ANKHD1: variants seen among roughly 807,000 people sequenced by gnomAD.
The protein encoded by ANKHD1 is ankyrin repeat and KH domain containing 1.
A neutral mutation model predicts 230.5 loss-of-function variants in ANKHD1; 31 were observed. The ratio of observed to expected loss-of-function variants is 0.13; its 90% confidence interval spans 0.10 to 0.18. The LOEUF (loss-of-function observed/expected upper bound fraction) is 0.18. ANKHD1 is among the 10% of genes least tolerant of loss of function. The pLI, the probability that ANKHD1 is intolerant of heterozygous loss-of-function variation, is 1.00. For synonymous variants in ANKHD1, 1,074 were observed against 1,117.6 expected (o/e 0.96, Z 0.78); for missense variants, 2,256 against 3,071.3 (o/e 0.73, Z 6.27).
intron 14 of ANKHD1, among the ~76,000 whole-genome samples, chr5:140,487,329 A>T (rs1474793911): frequency 1.3e-5 from 2 of 152,358 alleles, no homozygotes; most frequent in East Asian, 1.9e-4. Flanking sequence ...GTTCTTGATT[A>T]TATTTAAGTA....
intron 1 of ANKHD1, among the ~76,000 whole-genome samples, chr5:140,405,882 C>T (rs981752501): frequency 8.5e-5 from 13 of 152,070 alleles, no homozygotes; most frequent in African/African-American, 2.4e-4. Context: ...ATTCTCCCAC[C>T]TTGGTCTCCC....
intron 7 of ANKHD1, among the ~76,000 whole-genome samples, chr5:140,454,580 A>G (rs535321895): frequency 2.0e-5 from 3 of 152,328 alleles, no homozygotes; most frequent in South Asian, 2.1e-4. Flanking sequence ...GCTCAACTAC[A>G]TGGAAACTGA....
At chr5:140,537,260 G>T (rs965528021) in intron 30 of ANKHD1, 129 bp from the exon 31 acceptor site, 1 of 1,421,944 alleles carries the variant, frequency 7.0e-7, no homozygotes, top group Admixed American at 2.8e-5. Flanking sequence ...TTGTGGAATA[G>T]ATCTTTCCAA....
chr5:140,458,973 TATATATGC>T (rs1330992240), intron 8 of ANKHD1, 111 bp downstream of exon 8: 387 of 20,364 alleles, frequency 0.019, 14 homozygotes, highest in South Asian at 0.031. Flanking sequence ...TATATATATA[TATATATGC>T]ATATATATAT....
chr5:140,470,728 A>G (rs1202751043), intron 10 of ANKHD1, among the ~76,000 whole-genome samples: 1 of 150,696 alleles, frequency 6.6e-6, no homozygotes, highest in African/African-American at 2.4e-5. Flanking sequence ...GTCTCAAGCA[A>G]TCCTCCACTT....
chr5:140,402,312 G>A (rs774630763), intron 1 of ANKHD1, 39 bp downstream of exon 1: 1 of 1,429,460 alleles, frequency 7.0e-7, no homozygotes, highest in Non-Finnish European at 9.1e-7. Context: ...ACATTGTGAG[G>A]CGTGAATTCT....
intron 1 of ANKHD1, among the ~76,000 whole-genome samples, chr5:140,412,008 A>G (rs922904285): frequency 2.6e-5 from 4 of 151,576 alleles, no homozygotes; most frequent in Non-Finnish European, 5.9e-5. Context: ...ACAGGCGCAC[A>G]CCACCGTACC....
intron 1 of ANKHD1, among the ~76,000 whole-genome samples, chr5:140,417,833 CT>C (rs35322010): frequency 0.081 from 8,679 of 106,728 alleles, 159 homozygotes; most frequent in Middle Eastern, 0.12. Flanking sequence ...CCCATATAGT[CT>C]TTTTTTTTTT....
intron 3 of ANKHD1, among the ~76,000 whole-genome samples, chr5:140,439,269 A>G (rs1218540793): frequency 6.6e-6 from 1 of 152,214 alleles, no homozygotes; most frequent in Non-Finnish European, 1.5e-5. Flanking sequence ...GGGAATCATT[A>G]TACAAGTAGA....
rs1752568864 is a variant in ANKHD1 at position 140,507,039 on chromosome 5, A to G, written c.3551+62A>G. 1.3e-5 allele frequency: 20 copies of G among 1,587,392 alleles called. No individual in the cohort carries two copies. Among genetic ancestry groups the G allele is most frequent in the South Asian group, 2.3e-5 (2 of 87,888 alleles). On this transcript the variant is annotated intron_variant, in intron 19 of 33. Transcript: ENST00000360839. This position sits in a 1 kb window ranked among gnomAD's most constrained non-coding sequence, Gnocchi z 4.1. ...GTTACTACTTTGGACTTAAATGTCT[A>G]CCTCTTAACGTTTAGACAGATACAT... is the stretch of plus-strand genomic sequence containing the variant.
In ANKHD1 at chr5:140,459,202, A is replaced by G; in HGVS notation, c.1519A>G (p.Thr507Ala). The change falls in exon 9 of 34, where the codon ACT becomes GCT. Residue 507 changes from threonine (T) to alanine (A), a missense_variant. Transcript: ENST00000360839. ...INAQTEETQE[T>A]ALTLACCGGF... ...TGCCCAGACAGAAGAAACTCAAGAA[A>G]CTGCTCTTACTTTGGCTTGCTGTGG... 1 of 1,597,220 alleles carries G rather than the reference A, an allele frequency of 6.3e-7. No individual in the cohort carries two copies. The highest frequency in any genetic ancestry group is 8.6e-7 in the Non-Finnish European group (1 of 1,168,670).
At chr5:140,423,753 T>G (rs948254119) in intron 1 of ANKHD1, among the ~76,000 whole-genome samples, 7 of 152,182 alleles carry the variant, frequency 4.6e-5, no homozygotes, top group Non-Finnish European at 7.4e-5. Flanking sequence ...ACTTTCCCCT[T>G]GCACTCCACT....
rs1413461576 is a variant in ANKHD1, at chr5:140,527,450, T to C, written c.5087+376T>C. ...GACCTGAGGCTTTATTTTTTATTGC[T>C]AAGTATGAGCTGTTGATACTGGTTT... is the stretch of plus-strand genomic sequence containing the variant. On this transcript the variant is annotated intron_variant, in intron 27 of 33. Coordinates refer to ENST00000360839, the MANE Select transcript of ANKHD1 (RefSeq NM_017747.3). This position sits in a 1 kb window ranked among gnomAD's most constrained non-coding sequence, Gnocchi z 4.5. The C allele has an allele frequency of 4.6e-6, 1 of 218,380 alleles. No individual in the cohort carries two copies. The highest frequency in any genetic ancestry group is 5.5e-5 in the Admixed American group (1 of 18,178). The allele number at this position is 218,380 out of a possible 1,614,324, so 13.5% of individuals were successfully genotyped here.
intron 4 of ANKHD1, 66 bp downstream of exon 4, chr5:140,440,332 C>A: frequency 2.6e-6 from 4 of 1,548,128 alleles, no homozygotes; most frequent in South Asian, 2.5e-5. Flanking sequence ...TTATTTTTGT[C>A]ACTTATAAGA....
At chr5:140,427,362 A>G (rs1254839568) in intron 1 of ANKHD1, among the ~76,000 whole-genome samples, 82 of 99,108 alleles carry the variant, frequency 8.3e-4, no homozygotes, top group African/African-American at 1.9e-3. Context: ...GCGGCTGGCC[A>G]GGCGGGGGGC....
At position 140,495,306 on chromosome 5, in the gene ANKHD1, C is replaced by T. The variant is rs183079177; in HGVS notation, c.2246-1214C>T. Among the ~76,000 whole-genome samples the T allele has an allele frequency of 2.3e-4, 34 of 147,114 alleles. No homozygotes were observed. The East Asian group carries it at 6.6e-3, about 28-fold the overall frequency. ...GCTCTCTCAGGCTGGAGTGCAGTGG[C>T]GCAATCTCGGCTCACTGCAAGCTCC... On this transcript the variant is annotated intron_variant, in intron 14 of 33. Transcript: ENST00000360839.
At chr5:140,480,196 GTTA>G (rs1751208150) in intron 10 of ANKHD1, among the ~76,000 whole-genome samples, 1 of 151,922 alleles carries the variant, frequency 6.6e-6, no homozygotes, top group African/African-American at 2.4e-5. Flanking sequence ...ATGTGATTAT[GTTA>G]TTCAAAACTA....
intron 14 of ANKHD1, among the ~76,000 whole-genome samples, chr5:140,491,092 GTATA>G (rs377535904): frequency 1.4e-3 from 142 of 102,396 alleles, no homozygotes; most frequent in African/African-American, 1.2e-3. Flanking sequence ...GTGTGTGTGT[GTATA>G]TATATATATA....
At chr5:140,491,519 G>T (rs1318827492) in intron 14 of ANKHD1, among the ~76,000 whole-genome samples, 1 of 151,858 alleles carries the variant, frequency 6.6e-6, no homozygotes, top group Non-Finnish European at 1.5e-5. Context: ...ATTTCATTTT[G>T]TTTTTTCCCT....
Sources: gnomAD v4.1 joint callset for allele counts (sites outside exome capture counted in the v4.1 genomes callset) on GRCh38, gnomAD v4.1.1 for gene constraint, Gnocchi (gnomAD v3.1) non-coding constraint, MANE v1.5 for transcripts, NCBI Gene and HGNC (gene_info 2026-07-23, HGNC 2026-07-21) for gene names.